FAM13A: variants seen among roughly 807,000 people sequenced by gnomAD.
FAM13A encodes family with sequence similarity 13 member A.
A neutral mutation model predicts 129.6 loss-of-function variants in FAM13A; 76 were observed. The ratio of observed to expected loss-of-function variants is 0.59; its 90% CI spans 0.49 to 0.71. The LOEUF is 0.71. Ranked by LOEUF, FAM13A falls within the 30% of genes least tolerant of loss-of-function variation. FAM13A has a pLI of 0.00. For missense variants in FAM13A, 1,108 were observed against 1,249.3 expected, an observed-to-expected ratio of 0.89 and a Z score of 1.70; for synonymous variants, 443 against 449.9, an observed-to-expected ratio of 0.98 and a Z score of 0.20.
intron 4 of FAM13A, among the ~76,000 whole-genome samples, chr4:88,983,398 A>T (rs548292973): frequency 6.6e-6 from 1 of 152,278 alleles, no homozygotes; most frequent in South Asian, 2.1e-4. Flanking sequence ...CAAAAGATAC[A>T]AACAGGTATA....
In FAM13A at chr4:88,726,219, T is replaced by TAACA. The variant is rs1431015212; in HGVS notation, c.*2310_*2313dup. On this transcript the variant is annotated 3_prime_UTR_variant, in exon 24 of 24. Transcript: ENST00000264344. ...AGCCAGAAACCACTGACTGACTGAC[T>TAACA]AACAAACATTTCTTCAAATAAGATC... 4 of 152,162 alleles carry TAACA rather than the reference T, an allele frequency of 2.6e-5. No homozygotes were observed. The highest frequency in any genetic ancestry group is 1.9e-4 in the East Asian group (1 of 5,198). 9.4% of individuals were successfully genotyped at this position (152,162 alleles called of 1,614,324 possible).
chr4:89,037,284 T>C (rs1056984681), intron 1 of FAM13A, among the ~76,000 whole-genome samples: 2 of 152,246 alleles, frequency 1.3e-5, no homozygotes, highest in Non-Finnish European at 2.9e-5. Flanking sequence ...CAGGGTGGCC[T>C]GGATGTGAAA....
intron 4 of FAM13A, among the ~76,000 whole-genome samples, chr4:88,967,805 G>A (rs1425374976): frequency 6.6e-6 from 1 of 152,214 alleles, no homozygotes; most frequent in Non-Finnish European, 1.5e-5. Flanking sequence ...TGGGGACAGA[G>A]AGGAAGGGAA....
chr4:89,019,047 G>A (rs775982856), intron 3 of FAM13A, among the ~76,000 whole-genome samples: 46 of 152,222 alleles, frequency 3.0e-4, no homozygotes, highest in Non-Finnish European at 6.0e-4. Context: ...AGGGCAGGAG[G>A]CATTGCTGAT....
chr4:88,739,197 G>C (rs1272074054), intron 19 of FAM13A, 72 bp from the exon 20 acceptor site: 11 of 1,000,696 alleles, frequency 1.1e-5, no homozygotes, highest in Non-Finnish European at 1.8e-5. Flanking sequence ...AGCATGCTCT[G>C]GGCCTTTGTA....
intron 2 of FAM13A, among the ~76,000 whole-genome samples, chr4:89,026,794 G>A (rs1768021428): frequency 6.6e-6 from 1 of 152,150 alleles, no homozygotes; most frequent in African/African-American, 2.4e-5. Context: ...TAAGATTTGG[G>A]TGGGGACACA....
At chr4:88,973,279 T>C (rs140381963) in intron 4 of FAM13A, among the ~76,000 whole-genome samples, 46 of 152,260 alleles carry the variant, frequency 3.0e-4, no homozygotes, top group African/African-American at 1.0e-3. Flanking sequence ...GGGATTCTAA[T>C]TATGTGTATG....
At chr4:88,995,129 T>A (rs113192927) in intron 3 of FAM13A, among the ~76,000 whole-genome samples, 1 of 150,170 alleles carries the variant, frequency 6.7e-6, no homozygotes, top group East Asian at 2.0e-4. Flanking sequence ...GTTGCACACA[T>A]GCACCCAAAA....
Position 89,028,771 on chromosome 4 carries a change from T to TAAA in FAM13A, c.217+686_217+688dup, listed in dbSNP as rs33910983. Among the ~76,000 whole-genome samples the TAAA allele has an allele frequency of 2.8e-4, 39 of 137,980 alleles. 1 individual carries two copies. Among genetic ancestry groups the TAAA allele is most frequent in the African/African-American group, 5.7e-4 (22 of 38,440 alleles). The allele number at this position is 137,980 out of a possible 152,430, so 90.5% of individuals were successfully genotyped here. A position where few individuals can be genotyped will look rare whatever the true frequency, so the allele number is the denominator to read the frequency against. ...CATGTACCCTAAAACTTAAAGTACA[T>TAAA]AAAAAAAAAAAAAAGATGTAGGGAA... On this transcript the variant is annotated intron_variant, in intron 2 of 23. Coordinates refer to ENST00000264344, the MANE Select transcript of FAM13A (RefSeq NM_014883.4).
At chr4:89,002,395 T>C (rs1343552330) in intron 3 of FAM13A, among the ~76,000 whole-genome samples, 2 of 152,162 alleles carry the variant, frequency 1.3e-5, no homozygotes, top group Non-Finnish European at 2.9e-5. Flanking sequence ...ATATCTGAGA[T>C]AGTTAAGGAC....
chr4:88,985,859 A>C (rs1458895641), intron 4 of FAM13A, among the ~76,000 whole-genome samples: 1 of 151,870 alleles, frequency 6.6e-6, no homozygotes, highest in East Asian at 1.9e-4. Flanking sequence ...AAAAAAAAAA[A>C]AACTGTTGGA....
At chr4:88,750,696 T>A in intron 14 of FAM13A, 59 bp from the exon 15 acceptor site, 1 of 1,332,874 alleles carries the variant, frequency 7.5e-7, no homozygotes, top group Non-Finnish European at 1.1e-6. Context: ...GGTTGTTCTT[T>A]AAAACACAAG....
At chr4:88,911,987 C>T (rs1320842130) in intron 5 of FAM13A, among the ~76,000 whole-genome samples, 4 of 152,214 alleles carry the variant, frequency 2.6e-5, no homozygotes, top group Non-Finnish European at 5.9e-5. Context: ...AAAACAGTCA[C>T]AGCTCAGCCT....
chr4:89,057,089 C>T lies in FAM13A; in HGVS notation c.-125G>A. 1 of 1,518,050 alleles carries T rather than the reference C, an allele frequency of 6.6e-7. No homozygotes were observed. The highest frequency in any genetic ancestry group is 8.8e-7 in the Non-Finnish European group (1 of 1,137,282). 94.0% of individuals were successfully genotyped at this position (1,518,050 alleles called of 1,614,324 possible). ...GAAAAACAGCTCCCAATGCAAAGGC[C>T]CCAAGGTAAGCGAAGAGCAGCTTCT... On this transcript the variant is annotated 5_prime_UTR_variant, in exon 1 of 24. Transcript: ENST00000264344.
chr4:88,873,144 G>A (rs1301495083), intron 6 of FAM13A, among the ~76,000 whole-genome samples: 1 of 152,166 alleles, frequency 6.6e-6, no homozygotes, highest in Non-Finnish European at 1.5e-5. Context: ...AAAGCAGTGT[G>A]TAGAGGGAAA....
chr4:88,919,303 C>T (rs187362577), intron 5 of FAM13A, among the ~76,000 whole-genome samples: 300 of 152,304 alleles, frequency 2.0e-3, no homozygotes, highest in Non-Finnish European at 3.1e-3. Flanking sequence ...AAGGAATGCA[C>T]AGAATTGATT....
chr4:88,820,514 T>C (rs1237214369), intron 7 of FAM13A, among the ~76,000 whole-genome samples: 1 of 152,184 alleles, frequency 6.6e-6, no homozygotes, highest in Non-Finnish European at 1.5e-5. Flanking sequence ...ATTTAGGAAA[T>C]GAAAGCATCA....
At chr4:88,893,379 C>T (rs753280407) in intron 6 of FAM13A, among the ~76,000 whole-genome samples, 2 of 152,196 alleles carry the variant, frequency 1.3e-5, no homozygotes, top group Non-Finnish European at 1.5e-5. Flanking sequence ...AATCCCAGCA[C>T]TTTGGGAGGC....
At chr4:88,829,932 T>A (rs1483889240) in intron 7 of FAM13A, among the ~76,000 whole-genome samples, 1 of 152,226 alleles carries the variant, frequency 6.6e-6, no homozygotes, top group Non-Finnish European at 1.5e-5. Context: ...TAATAAAGTA[T>A]TATCCTTACT....
Sources: allele counts gnomAD v4.1 joint callset (sites outside exome capture counted in the v4.1 genomes callset), GRCh38; gene constraint gnomAD v4.1.1; transcripts MANE v1.5; gene names NCBI Gene and HGNC (gene_info 2026-07-23, HGNC 2026-07-21).